Variants in STN1 observed in about 807,000 individuals in gnomAD.
STN1 encodes the protein CST complex subunit STN1.
STN1 carries 29 observed loss-of-function variants against 45.5 expected under a neutral mutation model. The ratio of observed to expected loss-of-function variants is 0.64; its 90% CI spans 0.47 to 0.87. STN1 has a LOEUF of 0.87. Among genes scored for constraint, STN1 ranks in the 40% least tolerant of loss-of-function variants. The probability of loss-of-function intolerance (pLI) is 0.00; values close to 1 mark genes in which losing one functional copy is unlikely to be tolerated. For missense variants in STN1, 376 were observed against 441.4 expected (o/e 0.85, Z 1.33); for synonymous variants, 148 against 159.0 (o/e 0.93, Z 0.52).
chr10:103,909,365 AAT>A lies in STN1; in HGVS notation c.229+1160_229+1161del, dbSNP rs1554837200. Among the ~76,000 whole-genome samples, 40 of 73,872 alleles carry A rather than the reference AAT, an allele frequency of 5.4e-4. 2 individuals are homozygous for A. The South Asian group carries it at 7.9e-3, about 15-fold the overall frequency. The allele number at this position is 73,872 out of a possible 152,430, so 48.5% of individuals were successfully genotyped here. A position where few individuals can be genotyped will look rare whatever the true frequency, so the allele number is the denominator to read the frequency against. ...ATCCTTTTCAGAATCAAAAAAAAAA[AAT>A]ATATATATATATGTATATATATGTA... On this transcript the variant is annotated intron_variant, in intron 3 of 9. Coordinates refer to ENST00000224950, the MANE Select transcript of STN1 (RefSeq NM_024928.5).
intron 9 of STN1, among the ~76,000 whole-genome samples, chr10:103,886,642 A>G (rs1843105343): frequency 6.6e-6 from 1 of 152,248 alleles, no homozygotes; most frequent in South Asian, 2.1e-4. Flanking sequence ...TCAGGCCTGC[A>G]GGCTAGAGAA....
chr10:103,908,019 C>T (rs2134372267), intron 3 of STN1, among the ~76,000 whole-genome samples: 1 of 152,020 alleles, frequency 6.6e-6, no homozygotes, highest in South Asian at 2.1e-4. Flanking sequence ...GTCCCAGCTA[C>T]TCAGAAGGCT....
intron 9 of STN1, among the ~76,000 whole-genome samples, chr10:103,886,909 C>A: frequency 6.6e-6 from 1 of 152,238 alleles, no homozygotes; most frequent in East Asian, 1.9e-4. Context: ...CAGAGCACAG[C>A]TCCTCACAAT....
chr10:103,915,211 A>G (rs1024107560), intron 2 of STN1, among the ~76,000 whole-genome samples: 23 of 152,210 alleles, frequency 1.5e-4, no homozygotes, highest in Admixed American at 7.9e-4. Flanking sequence ...CAGTGTCCAG[A>G]GTTTTTACTG....
rs182601340 is a variant in STN1 at position 103,897,330 on chromosome 10, G to T, written c.753+218C>A. Among the ~76,000 whole-genome samples the T allele has an allele frequency of 2.6e-4, 39 of 152,236 alleles. No homozygotes were observed. The East Asian group carries it at 5.8e-3, about 23-fold the overall frequency. On this transcript the variant is annotated intron_variant, in intron 7 of 9. Coordinates refer to ENST00000224950, the MANE Select transcript of STN1 (RefSeq NM_024928.5). ...CTGTCTCCGAAAAAAAAAAGATTAG[G>T]TAAGGAGGAAGAAGGGGCAGGTCCA...
At position 103,900,103 on chromosome 10, in the gene STN1, C is replaced by T. The variant is rs183917764; in HGVS notation, c.416G>A (p.Arg139His). The T allele has an allele frequency of 3.0e-5, 48 of 1,614,040 alleles. 1 individual carries two copies. The highest frequency in any genetic ancestry group is 1.6e-4 in the Middle Eastern group (1 of 6,084). Reference protein sequence around the residue: ...GDTIRVRGSIRTYREEREIHA... With the variant: ...GDTIRVRGSIHTYREEREIHA... The stretch of plus-strand genomic sequence containing the variant: ...AATCTCTCGCTCTTCTCTGTATGTG[C>T]GGATACTGCCTCTGACTCGGATCGT... The change falls in exon 5 of 10, where the codon CGC becomes CAC. Residue 139 changes from arginine (R) to histidine (H), a missense_variant. Physicochemically the swap from Arg to His is conservative, Grantham distance 29 (BLOSUM62 0). Transcript: ENST00000224950.
chr10:103,917,329 G>A (rs1843340068), intron 2 of STN1, 133 bp downstream of exon 2: 1 of 585,202 alleles, frequency 1.7e-6, no homozygotes, highest in South Asian at 3.7e-5. Context: ...CTCATGCGAA[G>A]GTCCAGGCTA....
At chr10:103,888,550 T>G (rs1244329926) in intron 9 of STN1, among the ~76,000 whole-genome samples, 2 of 152,212 alleles carry the variant, frequency 1.3e-5, no homozygotes, top group Non-Finnish European at 2.9e-5. Flanking sequence ...AATTAACAGT[T>G]TCCAAGATGA....
At position 103,909,354 on chromosome 10, in the gene STN1, CAAA is replaced by C. The variant is rs1182343917; in HGVS notation, c.229+1170_229+1172del. On this transcript the variant is annotated intron_variant, in intron 3 of 9. Coordinates refer to ENST00000224950, the MANE Select transcript of STN1 (RefSeq NM_024928.5). Reference sequence around the variant, plus strand: ...CTGACAGGATGATCCTTTTCAGAATCAAAAAAAAAAAATATATATATATATGTA... The same window carrying C: ...CTGACAGGATGATCCTTTTCAGAATCAAAAAAAAATATATATATATATGTA... Among the ~76,000 whole-genome samples the C allele has an allele frequency of 2.0e-4, 12 of 61,272 alleles. 2 individuals are homozygous for C. Among genetic ancestry groups the C allele is most frequent in the South Asian group, 9.5e-4 (2 of 2,116 alleles). 40.2% of individuals were successfully genotyped at this position (61,272 alleles called of 152,430 possible).
At chr10:103,891,550 G>A (rs1843139709) in intron 8 of STN1, among the ~76,000 whole-genome samples, 1 of 152,082 alleles carries the variant, frequency 6.6e-6, no homozygotes, top group South Asian at 2.1e-4. Flanking sequence ...CATGGCAATC[G>A]ATCACCTACC....
Position 103,897,674 on chromosome 10 carries a change from A to G in STN1, c.627T>C (p.Ser209=), listed in dbSNP as rs1206744952. Residue 209 remains serine, a synonymous_variant, in exon 7 of 10, where the codon AGT becomes AGC. Coordinates refer to ENST00000224950, the MANE Select transcript of STN1 (RefSeq NM_024928.5). ...CCATGAGGAATTCTTTGGCTTTTTCACTCAGCAAACTCGTGAGACTGGGGA... is the reference window on the plus strand; with the variant it reads ...CCATGAGGAATTCTTTGGCTTTTTCGCTCAGCAAACTCGTGAGACTGGGGA... ...LDLPSLTSLL[S]EKAKEFLMEN... is the part of the protein sequence containing the mutation. 6.2e-7 allele frequency: 1 copy of G among 1,613,968 alleles called. No individual in the cohort carries two copies. The highest frequency in any genetic ancestry group is 2.2e-5 in the East Asian group (1 of 44,892).
intron 4 of STN1, among the ~76,000 whole-genome samples, chr10:103,901,903 T>G (rs1409855955): frequency 6.6e-6 from 1 of 152,088 alleles, no homozygotes; most frequent in Admixed American, 6.5e-5. Context: ...GGCTCACAAC[T>G]CCTACACCAG....
chr10:103,897,725 G>A lies in STN1; in HGVS notation c.582-6C>T. ...GGTCCAGGGCGCCTGGATTGCTGCGGAGGGAAAGTTTTAAAGAGCTCTGCA... is the reference window on the plus strand; with the variant it reads ...GGTCCAGGGCGCCTGGATTGCTGCGAAGGGAAAGTTTTAAAGAGCTCTGCA... On this transcript the variant is annotated splice_polypyrimidine_tract_variant and splice_region_variant and intron_variant, in intron 6 of 9. Coordinates refer to ENST00000224950, the MANE Select transcript of STN1 (RefSeq NM_024928.5). The A allele has an allele frequency of 6.2e-7, 1 of 1,613,540 alleles. No homozygotes were observed. The highest frequency in any genetic ancestry group is 8.5e-7 in the Non-Finnish European group (1 of 1,179,772).
In STN1 at chr10:103,905,191, T is replaced by C. The variant is rs543948844; in HGVS notation, c.230-35A>G. The C allele has an allele frequency of 1.8e-5, 29 of 1,586,162 alleles. 2 individuals carry two copies. In the South Asian group the frequency reaches 3.0e-4, roughly 16 times the overall value. On this transcript the variant is annotated intron_variant, in intron 3 of 9. Transcript: ENST00000224950. ...AAAAGCAAAAGGGTATAAGAGAGATTTGGGCAAGGCTGGTGAATTAGCATG... is the reference window on the plus strand; with the variant it reads ...AAAAGCAAAAGGGTATAAGAGAGATCTGGGCAAGGCTGGTGAATTAGCATG...
At chr10:103,910,368 C>A (rs1193999397) in intron 3 of STN1, among the ~76,000 whole-genome samples, 159 bp downstream of exon 3, 1 of 151,164 alleles carries the variant, frequency 6.6e-6, no homozygotes, top group Admixed American at 6.6e-5. Flanking sequence ...TTATTCTTAG[C>A]CCGTGTCTGG....
rs1280873028 is a variant in STN1, at chr10:103,882,733, T to G, written c.1058A>C (p.Asp353Ala). Residue 353 changes from aspartate (D) to alanine (A), a missense_variant, in exon 10 of 10, where the codon GAC (aspartate) becomes GCC (alanine). Physicochemically the swap from Asp to Ala is moderately radical, Grantham distance 126. Coordinates refer to ENST00000224950, the MANE Select transcript of STN1 (RefSeq NM_024928.5). ...VLQQVLELLE[D>A]QSDIVSTMEH... ...CATTGTGCTGACAATGTCACTCTGG[T>G]CCTCCAGGAGCTCCAGAACTTGCTG... 12 of 1,614,068 alleles carry G rather than the reference T, an allele frequency of 7.4e-6. No homozygotes were observed. Among genetic ancestry groups the G allele is most frequent in the Non-Finnish European group, 9.3e-6 (11 of 1,180,028 alleles).
chr10:103,898,422 G>C (rs1042421528), intron 6 of STN1: 2 of 153,390 alleles, frequency 1.3e-5, no homozygotes, highest in Admixed American at 6.5e-5. Flanking sequence ...GACCGGTGCA[G>C]GTTTTTTTAA....
Position 103,898,907 on chromosome 10 carries a change from C to T in STN1, c.551G>A (p.Ser184Asn), listed in dbSNP as rs1843189067. 6.2e-7 allele frequency: 1 copy of T among 1,613,848 alleles called. No individual in the cohort carries two copies. ...YRKVYDQPFHSSALEKEEALS... is the reference protein window; with the variant it reads ...YRKVYDQPFHNSALEKEEALS... ...TGCCTCTTCTTTCTCTAGGGCTGAG[C>T]TGTGAAAAGGCTGGTCATAAACTTT... The change falls in exon 6 of 10, where the codon AGC (serine) becomes AAC (asparagine). Residue 184 changes from serine to asparagine, a missense_variant. By Grantham distance (46) the Ser-to-Asn change is conservative. Coordinates refer to ENST00000224950, the MANE Select transcript of STN1 (RefSeq NM_024928.5).
chr10:103,883,157 G>C (rs1843081915), intron 9 of STN1, among the ~76,000 whole-genome samples: 1 of 152,070 alleles, frequency 6.6e-6, no homozygotes, highest in African/African-American at 2.4e-5. Flanking sequence ...TTTTCTGTGG[G>C]GTAATTACAT....
Sources: allele counts gnomAD v4.1 joint callset (sites outside exome capture counted in the v4.1 genomes callset), GRCh38; gene constraint gnomAD v4.1.1; transcripts MANE v1.5; gene names NCBI Gene and HGNC (gene_info 2026-07-23, HGNC 2026-07-21).